FAM53A: variants seen among roughly 807,000 people sequenced by gnomAD.
FAM53A encodes the protein family with sequence similarity 53 member A.
In FAM53A, 28 loss-of-function variants were observed where a neutral mutation model predicts 26.6. The ratio of observed to expected loss-of-function variants is 1.05; its 90% CI spans 0.78 to 1.45. The LOEUF (loss-of-function observed/expected upper bound fraction) is 1.45, where lower values mean the gene tolerates loss of function less well. FAM53A is among the 40% of genes most tolerant of loss of function. FAM53A has a pLI of 0.00. For missense variants in FAM53A, 650 were observed against 575.8 expected, an observed-to-expected ratio of 1.13 and a Z score of -1.32; for synonymous variants, 290 against 253.1, an observed-to-expected ratio of 1.15 and a Z score of -1.38.
At chr4:1,577,927 C>T in the FAM53A span, among the ~76,000 whole-genome samples, 1 of 136,764 alleles carries the variant, frequency 7.3e-6, no homozygotes, top group Non-Finnish European at 1.6e-5. Context: ...AGGTGAGGGG[C>T]TGCGGGGGTG....
the FAM53A span, among the ~76,000 whole-genome samples, chr4:1,576,999 C>T: frequency 3.6e-4 from 55 of 152,024 alleles, no homozygotes; most frequent in Non-Finnish European, 2.2e-4. Flanking sequence ...ACACTGTTCC[C>T]GGCCCCTCCC....
At chr4:1,628,895 G>C (rs1412651080) in intron 1 of FAM53A, among the ~76,000 whole-genome samples, 1 of 151,694 alleles carries the variant, frequency 6.6e-6, no homozygotes, top group African/African-American at 2.4e-5. Context: ...CCCACTGCAG[G>C]GTCCCCTACT....
downstream of FAM53A, among the ~76,000 whole-genome samples, chr4:1,616,335 C>T (rs148539203): frequency 4.4e-3 from 671 of 152,292 alleles, 9 homozygotes; most frequent in African/African-American, 0.015. Context: ...AGGTTGGAAG[C>T]GGGGAGGTCC....
At chr4:1,674,486 G>A (rs917745148) in intron 1 of FAM53A, among the ~76,000 whole-genome samples, 8 of 152,126 alleles carry the variant, frequency 5.3e-5, no homozygotes, top group Non-Finnish European at 1.2e-4. Flanking sequence ...TGGCTAACAC[G>A]GTGAAATCCT....
At chr4:1,648,424 C>T (rs1712437500) in intron 4 of FAM53A, among the ~76,000 whole-genome samples, 1 of 152,072 alleles carries the variant, frequency 6.6e-6, no homozygotes, top group Non-Finnish European at 1.5e-5. Context: ...GAGCAAAGAG[C>T]TGGAAAGAGG....
At chr4:1,605,547 G>T in the FAM53A span, among the ~76,000 whole-genome samples, 1 of 152,176 alleles carries the variant, frequency 6.6e-6, no homozygotes, top group Non-Finnish European at 1.5e-5. This position sits in a 1 kb window ranked among gnomAD's most constrained non-coding sequence, Gnocchi z 5.7. Context: ...CTTTTGAAAA[G>T]CGTGTTCTGC....
intron 1 of FAM53A, among the ~76,000 whole-genome samples, chr4:1,672,265 C>T (rs1452486811): frequency 2.0e-5 from 3 of 148,868 alleles, no homozygotes; most frequent in Non-Finnish European, 3.0e-5. Flanking sequence ...ACCCACAGAC[C>T]CACAAACCCA....
chr4:1,615,673 G>A (rs72501970), downstream of FAM53A, among the ~76,000 whole-genome samples: 5,036 of 151,808 alleles, frequency 0.033, 257 homozygotes, highest in African/African-American at 0.099. Context: ...CCACCTGGGC[G>A]CACACAGGGG....
chr4:1,661,294 C>T (rs1030737912), intron 2 of FAM53A, among the ~76,000 whole-genome samples: 25 of 152,190 alleles, frequency 1.6e-4, no homozygotes, highest in Non-Finnish European at 2.9e-4. Flanking sequence ...GCTCATCACC[C>T]ACCTTCCAGC....
the FAM53A span, among the ~76,000 whole-genome samples, chr4:1,609,289 C>G: frequency 6.6e-6 from 1 of 152,128 alleles, no homozygotes; most frequent in Admixed American, 6.5e-5. Flanking sequence ...CCCCTCGGGC[C>G]TCCTTCCAGC....
the FAM53A span, among the ~76,000 whole-genome samples, chr4:1,609,690 C>T: frequency 6.6e-6 from 1 of 152,138 alleles, no homozygotes; most frequent in Non-Finnish European, 1.5e-5. Context: ...TGGCCAGGTG[C>T]AGTGGCTCAC....
In FAM53A at chr4:1,655,409, TCTTGGAGACTGGAGTCCAGAC is replaced by T; in HGVS notation, c.430_450del (p.Val144_Lys150del). On this transcript the variant is annotated inframe_deletion, in exon 4 of 5. Coordinates refer to ENST00000308132, the MANE Select transcript of FAM53A (RefSeq NM_001174070.3). ...GCACTCCCGCCGCTGTCGCACCGCC[TCTTGGAGACTGGAGTCCAGAC>T]CTTGGAGCTGCCGGGGCGCCAGGGG... 2 of 1,482,778 alleles carry T rather than the reference TCTTGGAGACTGGAGTCCAGAC, an allele frequency of 1.3e-6. No homozygotes were observed. Among genetic ancestry groups the T allele is most frequent in the Non-Finnish European group, 1.8e-6 (2 of 1,117,750 alleles). The allele number at this position is 1,482,778 out of a possible 1,614,324, so 91.9% of individuals were successfully genotyped here.
chr4:1,621,874 C>A (rs1341224203), intron 1 of FAM53A, among the ~76,000 whole-genome samples: 2 of 152,200 alleles, frequency 1.3e-5, no homozygotes, highest in African/African-American at 4.8e-5. Context: ...CCCCAAGGCT[C>A]ATGTGTTGGA....
At chr4:1,646,468 A>G (rs923157632) in intron 4 of FAM53A, among the ~76,000 whole-genome samples, 6 of 152,284 alleles carry the variant, frequency 3.9e-5, no homozygotes, top group African/African-American at 1.4e-4. Context: ...TTACAGCAGC[A>G]AAAACAAACT....
At chr4:1,665,710 C>G (rs1451503765) in intron 2 of FAM53A, among the ~76,000 whole-genome samples, 1 of 152,104 alleles carries the variant, frequency 6.6e-6, no homozygotes, top group Non-Finnish European at 1.5e-5. Context: ...ATGGAACCCC[C>G]GTGACCACTC....
chr4:1,647,166 C>G (rs200034281), intron 4 of FAM53A, among the ~76,000 whole-genome samples: 1 of 128,964 alleles, frequency 7.8e-6, no homozygotes, highest in Non-Finnish European at 1.7e-5. Flanking sequence ...GAAACCCCCT[C>G]TCTACTAAAA....
chr4:1,648,772 G>A lies in FAM53A; in HGVS notation c.882+6206C>T, dbSNP rs147123398. 2.5e-3 allele frequency among the ~76,000 whole-genome samples: 381 copies of A among 152,342 alleles called. 2 individuals carry two copies. The highest frequency in any genetic ancestry group is 4.1e-3 in the Non-Finnish European group (281 of 68,040). On this transcript the variant is annotated intron_variant, in intron 4 of 4. Transcript: ENST00000308132. ...TTGAGTCCCAGGAGCAGAATGGGGTGTGCAGCACCCACATCACTGTTCTGG... is the reference window on the plus strand; with the variant it reads ...TTGAGTCCCAGGAGCAGAATGGGGTATGCAGCACCCACATCACTGTTCTGG...
chr4:1,620,768 C>CCAA (rs60815444), intron 1 of FAM53A, among the ~76,000 whole-genome samples: 139 of 152,066 alleles, frequency 9.1e-4, no homozygotes, highest in African/African-American at 3.3e-3. Context: ...AACATCACTG[C>CCAA]CAACAACAAC....
the FAM53A span, among the ~76,000 whole-genome samples, chr4:1,579,998 G>C: frequency 6.6e-6 from 1 of 152,240 alleles, no homozygotes. Flanking sequence ...TTTAATTAAA[G>C]ATGCAGTAAA....
Sources: allele counts gnomAD v4.1 joint callset (sites outside exome capture counted in the v4.1 genomes callset), GRCh38; gene constraint gnomAD v4.1.1; non-coding constraint Gnocchi (gnomAD v3.1); transcripts MANE v1.5; gene names NCBI Gene and HGNC (gene_info 2026-07-23, HGNC 2026-07-21).